Variants in STAM observed in about 807,000 individuals in gnomAD.
STAM encodes the protein signal transducing adapter molecule 1.
In STAM, 16 loss-of-function variants were observed where a neutral mutation model predicts 63.4. That is an observed-to-expected ratio of 0.25 (90% CI 0.17 to 0.38). The LOEUF (loss-of-function observed/expected upper bound fraction) is 0.38. STAM is among the 10% of genes least tolerant of loss of function. The pLI, the probability that STAM is intolerant of heterozygous loss-of-function variation, is 1.00. For missense variants in STAM, 636 were observed against 657.1 expected (o/e 0.97, Z 0.35); for synonymous variants, 238 against 223.9 (o/e 1.06, Z -0.56).
chr10:17,674,329 T>C (rs1787245257), intron 2 of STAM, among the ~76,000 whole-genome samples: 1 of 152,228 alleles, frequency 6.6e-6, no homozygotes, highest in African/African-American at 2.4e-5. Flanking sequence ...CAGTTTATTA[T>C]ATCTCAAAGT....
chr10:17,713,758 C>T (rs1836669807), intron 13 of STAM, among the ~76,000 whole-genome samples: 1 of 152,096 alleles, frequency 6.6e-6, no homozygotes, highest in Non-Finnish European at 1.5e-5. Flanking sequence ...TAATAACCTG[C>T]AGTCAGCTAT....
chr10:17,668,498 G>A (rs1834492037), intron 2 of STAM, among the ~76,000 whole-genome samples: 1 of 152,150 alleles, frequency 6.6e-6, no homozygotes, highest in African/African-American at 2.4e-5. Context: ...CAGGTCAATG[G>A]GTTTTGACAG....
At chr10:17,646,669 T>A (rs1378174548) in intron 1 of STAM, among the ~76,000 whole-genome samples, 8 of 152,218 alleles carry the variant, frequency 5.3e-5, no homozygotes, top group Admixed American at 3.9e-4. Context: ...ACCAATTCTC[T>A]TCTCACAATC....
intron 13 of STAM, among the ~76,000 whole-genome samples, chr10:17,709,388 G>C (rs1204868824): frequency 1.3e-5 from 2 of 152,036 alleles, no homozygotes; most frequent in African/African-American, 4.8e-5. Context: ...TTTTTGCCCT[G>C]TTTTGGAATT....
chr10:17,684,545 T>C lies in STAM; in HGVS notation c.126-130T>C, dbSNP rs1378783827. On this transcript the variant is annotated intron_variant, in intron 2 of 13. Transcript: ENST00000377524. ...GTTTACAGTTTTTCAACCGTGTTATTAATAAAAATTAAATTTCCCTACTTT... is the reference window on the plus strand; with the variant it reads ...GTTTACAGTTTTTCAACCGTGTTATCAATAAAAATTAAATTTCCCTACTTT... 5 of 600,862 alleles carry C rather than the reference T, an allele frequency of 8.3e-6. No homozygotes were observed. In the African/African-American group the frequency reaches 9.6e-5, roughly 12 times the overall value. 37.2% of individuals were successfully genotyped at this position (600,862 alleles called of 1,614,324 possible).
chr10:17,658,804 A>G (rs1307357340), intron 1 of STAM, among the ~76,000 whole-genome samples: 1 of 152,216 alleles, frequency 6.6e-6, no homozygotes, highest in Non-Finnish European at 1.5e-5. Flanking sequence ...TTAACTTTTA[A>G]TCTCTATGTG....
chr10:17,683,225 G>A (rs1835158568), intron 2 of STAM, among the ~76,000 whole-genome samples: 1 of 152,084 alleles, frequency 6.6e-6, no homozygotes, highest in Admixed American at 6.6e-5. Context: ...GTACGGTGGT[G>A]CCATCACAGC....
chr10:17,692,833 GT>G (rs199802161), intron 5 of STAM, among the ~76,000 whole-genome samples: 7 of 149,010 alleles, frequency 4.7e-5, no homozygotes, highest in Non-Finnish European at 9.0e-5. Context: ...AGATACTACA[GT>G]TTTTTTTTTA....
At chr10:17,703,879 C>T (rs1387754514) in intron 9 of STAM, among the ~76,000 whole-genome samples, 3 of 152,198 alleles carry the variant, frequency 2.0e-5, no homozygotes, top group South Asian at 2.1e-4. Flanking sequence ...CTGCTGTATT[C>T]ACCATGGGCA....
At chr10:17,708,296 G>C (rs968743322) in intron 12 of STAM, among the ~76,000 whole-genome samples, 14 of 152,114 alleles carry the variant, frequency 9.2e-5, no homozygotes, top group African/African-American at 4.8e-5. Flanking sequence ...ATTTACGTCA[G>C]GCCCTTTACA....
In STAM at chr10:17,692,698, A is replaced by G. The variant is rs542621813; in HGVS notation, c.445-524A>G. Among the ~76,000 whole-genome samples, 5 of 152,314 alleles carry G rather than the reference A, an allele frequency of 3.3e-5. No individual in the cohort carries two copies. The East Asian group carries it at 9.6e-4, about 29-fold the overall frequency. On this transcript the variant is annotated intron_variant, in intron 5 of 13. Transcript: ENST00000377524. ...CAGTGATATACTGTCAGAATTAACT[A>G]CTTGTAATTTGGTTTACAAAATAGG...
chr10:17,660,063 A>G (rs1338719567), intron 1 of STAM, among the ~76,000 whole-genome samples: 1 of 151,888 alleles, frequency 6.6e-6, no homozygotes, highest in African/African-American at 2.4e-5. Flanking sequence ...AAAAAAATCC[A>G]CAAAACTAGC....
chr10:17,708,082 G>T (rs924297737), intron 12 of STAM, among the ~76,000 whole-genome samples: 5 of 152,020 alleles, frequency 3.3e-5, no homozygotes, highest in Admixed American at 3.3e-4. Context: ...AGTAGAGACG[G>T]GGTTTCACTG....
At chr10:17,706,369 C>CTTTTTTTTTT (rs59585445) in intron 12 of STAM, among the ~76,000 whole-genome samples, 3 of 70,184 alleles carry the variant, frequency 4.3e-5, no homozygotes, top group African/African-American at 6.2e-5. Context: ...GGTTGAGGCC[C>CTTTTTTTTTT]TTTTTTTTTT....
In STAM at chr10:17,716,576, C is replaced by G. The variant is rs1419273629; in HGVS notation, c.*1796C>G. On this transcript the variant is annotated 3_prime_UTR_variant, in exon 14 of 14. Transcript: ENST00000377524. ...TGAGTATTATGGTTTAACTGATATA[C>G]TTTTCTGCAATTTTTCTTTGTCTTT... is the stretch of plus-strand genomic sequence containing the variant. Among the ~76,000 whole-genome samples, 2 of 152,120 alleles carry G rather than the reference C, an allele frequency of 1.3e-5. No individual in the cohort carries two copies.
intron 1 of STAM, among the ~76,000 whole-genome samples, chr10:17,657,934 A>T (rs1834007814): frequency 2.1e-5 from 3 of 143,406 alleles, no homozygotes; most frequent in African/African-American, 7.8e-5. Context: ...GGTTGTGCTG[A>T]TTTTCTGTAT....
chr10:17,659,761 C>A (rs1272989799), intron 1 of STAM, among the ~76,000 whole-genome samples: 1 of 152,108 alleles, frequency 6.6e-6, no homozygotes, highest in Non-Finnish European at 1.5e-5. Context: ...TCCTGCCTAG[C>A]CTCTAATGCT....
At chr10:17,714,435 A>T in intron 13 of STAM, 108 bp from the exon 14 acceptor site, 1 of 1,055,002 alleles carries the variant, frequency 9.5e-7, no homozygotes, top group Non-Finnish European at 1.4e-6. Flanking sequence ...AAAGGTTATT[A>T]AATGAATTGA....
chr10:17,684,613 T>G, intron 2 of STAM, 62 bp from the exon 3 acceptor site: 1 of 1,372,370 alleles, frequency 7.3e-7, no homozygotes, highest in Non-Finnish European at 1.0e-6. Flanking sequence ...TCTATAACAG[T>G]TAAGGGGCAG....
Sources: gnomAD v4.1 joint callset for allele counts (sites outside exome capture counted in the v4.1 genomes callset) on GRCh38, gnomAD v4.1.1 for gene constraint, MANE v1.5 for transcripts, NCBI Gene and HGNC (gene_info 2026-07-23, HGNC 2026-07-21) for gene names.